The following SMAD2 variants were observed in gnomAD, a reference collection of about 807,000 sequenced individuals.
SMAD2 encodes MAD homolog 2.
SMAD2 carries 8 observed loss-of-function variants against 64.4 expected under a neutral mutation model. The ratio of observed to expected loss-of-function variants is 0.12; its 90% CI spans 0.07 to 0.22. SMAD2 has a LOEUF of 0.22. Among genes scored for constraint, SMAD2 ranks in the 10% least tolerant of loss-of-function variants. The pLI is 1.00. For synonymous variants in SMAD2, 203 were observed against 195.8 expected (o/e 1.04, Z -0.31); for missense variants, 289 against 561.2 (o/e 0.51, Z 4.90).
chr18:47,927,361 C>T (rs2034807022), intron 1 of SMAD2, among the ~76,000 whole-genome samples: 1 of 152,174 alleles, frequency 6.6e-6, no homozygotes, highest in South Asian at 2.1e-4. Flanking sequence ...CTACATGTTA[C>T]AGGAAGCAAG....
At chr18:47,919,497 C>T (rs1407792739) in intron 1 of SMAD2, among the ~76,000 whole-genome samples, 1 of 147,274 alleles carries the variant, frequency 6.8e-6, no homozygotes, top group African/African-American at 2.6e-5. Flanking sequence ...CACACACACA[C>T]ACACACACAC....
chr18:47,898,414 T>C (rs1172304921), intron 1 of SMAD2, among the ~76,000 whole-genome samples: 1 of 151,832 alleles, frequency 6.6e-6, no homozygotes, highest in Non-Finnish European at 1.5e-5. Flanking sequence ...TATGTTTTTG[T>C]GTATGTGTGT....
intron 1 of SMAD2, among the ~76,000 whole-genome samples, chr18:47,908,434 GA>G (rs1242175792): frequency 6.6e-6 from 1 of 151,654 alleles, no homozygotes; most frequent in East Asian, 1.9e-4. Context: ...GAGACAATCT[GA>G]AAAAAACTCA....
intron 8 of SMAD2, among the ~76,000 whole-genome samples, chr18:47,847,554 G>C (rs1568036603): frequency 6.9e-6 from 1 of 143,900 alleles, no homozygotes; most frequent in Non-Finnish European, 1.5e-5. Flanking sequence ...TAAAAACTGA[G>C]ATTTAAAAAA....
chr18:47,846,075 C>T (rs1914461882), intron 8 of SMAD2, among the ~76,000 whole-genome samples: 2 of 151,902 alleles, frequency 1.3e-5, no homozygotes, highest in Admixed American at 6.6e-5. Context: ...TAGTTTCATA[C>T]AAATGATATA....
intron 2 of SMAD2, among the ~76,000 whole-genome samples, chr18:47,891,390 T>C (rs1435169851): frequency 6.6e-6 from 1 of 152,024 alleles, no homozygotes; most frequent in Non-Finnish European, 1.5e-5. Context: ...GAACTAGTAA[T>C]ACAACGTTCA....
At chr18:47,912,210 G>C (rs1384199577) in intron 1 of SMAD2, 1 of 152,162 alleles carries the variant, frequency 6.6e-6, no homozygotes, top group East Asian at 1.9e-4. Flanking sequence ...CAGAAGATGA[G>C]GGGAAAATAA....
chr18:47,906,445 GAC>G (rs750907061), intron 1 of SMAD2, among the ~76,000 whole-genome samples: 4 of 152,092 alleles, frequency 2.6e-5, no homozygotes, highest in Non-Finnish European at 4.4e-5. Context: ...TGTCATAAAA[GAC>G]ACAGGAGCAC....
intron 6 of SMAD2, among the ~76,000 whole-genome samples, chr18:47,858,280 A>T (rs1392179092): frequency 6.6e-6 from 1 of 152,188 alleles, no homozygotes; most frequent in African/African-American, 2.4e-5. Flanking sequence ...AAAATAAAGG[A>T]TCTGAAATGA....
At chr18:47,913,757 G>C (rs1403125819) in intron 1 of SMAD2, among the ~76,000 whole-genome samples, 1 of 152,170 alleles carries the variant, frequency 6.6e-6, no homozygotes, top group Non-Finnish European at 1.5e-5. Flanking sequence ...ATCAAAACGT[G>C]AATGAGTCAT....
intron 1 of SMAD2, among the ~76,000 whole-genome samples, chr18:47,916,607 G>C (rs1327411824): frequency 6.6e-6 from 1 of 152,128 alleles, no homozygotes; most frequent in Non-Finnish European, 1.5e-5. Flanking sequence ...GCTTCACCAT[G>C]TTGGCCAGGC....
chr18:47,896,698 T>A lies in SMAD2; in HGVS notation c.59A>T (p.Lys20Met). The A allele has an allele frequency of 6.2e-7, 1 of 1,614,122 alleles. No homozygotes were observed. Among genetic ancestry groups the A allele is most frequent in the Non-Finnish European group, 8.5e-7 (1 of 1,180,020 alleles). ...TGCTCCTCCAGACCCACCAGCTGAC[T>A]TCTTCCATCCCAGCAGTCTCTTCAC... ...PVVKRLLGWKKSAGGSGGAGG... is the reference protein window; with the variant it reads ...PVVKRLLGWKMSAGGSGGAGG... Residue 20 changes from lysine (K) to methionine (M), a missense_variant, in exon 2 of 11, where the codon AAG (lysine) becomes ATG (methionine). Physicochemically the swap from Lys to Met is moderately conservative, Grantham distance 95. Transcript: ENST00000262160.
intron 10 of SMAD2, 63 bp downstream of exon 10, chr18:47,845,277 G>T (rs2144286626): frequency 7.0e-7 from 1 of 1,422,056 alleles, no homozygotes; most frequent in Non-Finnish European, 9.9e-7. Flanking sequence ...TCCAGAATAT[G>T]CAAGAATGCA....
chr18:47,845,285 G>A (rs747770881), intron 10 of SMAD2, 55 bp downstream of exon 10: 8 of 1,462,414 alleles, frequency 5.5e-6, no homozygotes, highest in African/African-American at 1.4e-5. Context: ...ATGCAAGAAT[G>A]CAATGAAACA....
intron 2 of SMAD2, among the ~76,000 whole-genome samples, chr18:47,877,570 A>T (rs964346150): frequency 4.6e-5 from 7 of 152,192 alleles, no homozygotes; most frequent in African/African-American, 1.7e-4. Context: ...GTAGTATTCA[A>T]TTACAAATGT....
intron 2 of SMAD2, among the ~76,000 whole-genome samples, chr18:47,895,043 A>T (rs1241995184): frequency 6.6e-6 from 1 of 152,008 alleles, no homozygotes; most frequent in African/African-American, 2.4e-5. Context: ...GCTTCCATCT[A>T]CCCTACTACA....
intron 2 of SMAD2, among the ~76,000 whole-genome samples, chr18:47,891,374 C>CA (rs985290457): frequency 2.0e-5 from 3 of 152,030 alleles, no homozygotes; most frequent in Admixed American, 6.6e-5. Flanking sequence ...TGGAAGGACA[C>CA]ATGAGGAACT....
upstream of SMAD2, chr18:47,930,866 C>A (rs1337006304): frequency 3.3e-5 from 5 of 149,786 alleles, no homozygotes; most frequent in Non-Finnish European, 7.4e-5. Flanking sequence ...CGCGGGTAGA[C>A]CCGCCTGCCA....
rs1368806625 is a variant in SMAD2 at position 47,825,318 on chromosome 18, G to A, written c.*16509C>T. The A allele has an allele frequency of 6.6e-6, 1 of 152,288 alleles. No homozygotes were observed. Among genetic ancestry groups the A allele is most frequent in the East Asian group, 1.9e-4 (1 of 5,204 alleles). 9.4% of individuals were successfully genotyped at this position (152,288 alleles called of 1,614,324 possible). A position where few individuals can be genotyped will look rare whatever the true frequency, so the allele number is the denominator to read the frequency against. ...TGGTGGTGTTGAGAGCTGGGGCCTA[G>A]TGGGAGATGTTTGGTTCACTGAGGC... On this transcript the variant is annotated 3_prime_UTR_variant, in exon 11 of 11. Transcript: ENST00000262160.
Sources: gnomAD v4.1 joint callset for allele counts (sites outside exome capture counted in the v4.1 genomes callset) on GRCh38, gnomAD v4.1.1 for gene constraint, MANE v1.5 for transcripts, NCBI Gene and HGNC (gene_info 2026-07-23, HGNC 2026-07-21) for gene names.